UBA52: variants seen among roughly 807,000 people sequenced by gnomAD.
UBA52 encodes the protein ubiquitin-ribosomal protein eL40 fusion protein.
UBA52 carries 1 observed loss-of-function variant against 15.3 expected under a neutral mutation model. That is an observed-to-expected ratio of 0.07 (90% CI 0.02 to 0.31). The LOEUF is 0.31. UBA52 is among the 10% of genes least tolerant of loss of function. The pLI, the probability that UBA52 is intolerant of heterozygous loss-of-function variation, is 1.00. For missense variants in UBA52, 87 were observed against 168.0 expected, an observed-to-expected ratio of 0.52 and a Z score of 2.66; for synonymous variants, 50 against 58.3, an observed-to-expected ratio of 0.86 and a Z score of 0.65.
At chr19:18,569,967 G>A (rs1387972094), upstream of UBA52, among the ~76,000 whole-genome samples, 13 of 152,250 alleles carry the variant, frequency 8.5e-5, no homozygotes, top group Admixed American at 6.5e-4. Context: ...GGAGGCAGAG[G>A]TTGCAGTGAG....
At chr19:18,564,811 A>G in the UBA52 span, 1 of 1,596,628 alleles carries the variant, frequency 6.3e-7, no homozygotes, top group Non-Finnish European at 8.6e-7. Flanking sequence ...CTTCTGGGCC[A>G]GGTTGGGCAG....
the UBA52 span, among the ~76,000 whole-genome samples, chr19:18,564,052 A>C: frequency 6.6e-6 from 1 of 151,924 alleles, no homozygotes; most frequent in Non-Finnish European, 1.5e-5. Flanking sequence ...ATGCCCAGCC[A>C]ATTTTTGTAT....
At chr19:18,567,996 G>A (rs568787668), upstream of UBA52, among the ~76,000 whole-genome samples, 32 of 152,288 alleles carry the variant, frequency 2.1e-4, 1 homozygote, top group Admixed American at 1.2e-3. Context: ...TGCCAGGCGC[G>A]GTGGCTCATG....
chr19:18,566,933 C>T (rs372139752), upstream of UBA52, among the ~76,000 whole-genome samples: 58 of 152,246 alleles, frequency 3.8e-4, no homozygotes, highest in African/African-American at 1.2e-3. Flanking sequence ...GGCTGGAGGC[C>T]GGCTGGTGGG....
At chr19:18,568,364 A>C, upstream of UBA52, 1 of 1,497,336 alleles carries the variant, frequency 6.7e-7, no homozygotes. Context: ...AGAGCTTGGC[A>C]AGGTGACAAA....
At chr19:18,570,615 G>A (rs1452249169), upstream of UBA52, among the ~76,000 whole-genome samples, 1 of 147,814 alleles carries the variant, frequency 6.8e-6, no homozygotes, top group Admixed American at 6.9e-5. Flanking sequence ...GGATTCAAGC[G>A]ATTCTCCTGC....
chr19:18,573,172 G>C, intron 1 of UBA52, 121 bp from the exon 2 acceptor site: 1 of 1,127,742 alleles, frequency 8.9e-7, no homozygotes, highest in East Asian at 2.6e-5. Flanking sequence ...ACAGGTACTG[G>C]GGCAGGACCA....
At chr19:18,574,298 T>C (rs1233837969) in intron 3 of UBA52, among the ~76,000 whole-genome samples, 1 of 151,448 alleles carries the variant, frequency 6.6e-6, no homozygotes, top group African/African-American at 2.4e-5. Flanking sequence ...AAGAATTCAG[T>C]GTCCTTTTTT....
At chr19:18,572,939 T>G in intron 1 of UBA52, 1 of 1,113,616 alleles carries the variant, frequency 9.0e-7, no homozygotes. Flanking sequence ...GGAAGATGGA[T>G]CTAGCAAGAT....
chr19:18,573,186 G>T, intron 1 of UBA52, 107 bp from the exon 2 acceptor site: 2 of 1,193,412 alleles, frequency 1.7e-6, no homozygotes, highest in East Asian at 2.5e-5. Flanking sequence ...AGGACCAGTT[G>T]GACTTGGTGC....
chr19:18,568,593 C>A, upstream of UBA52: 1 of 1,612,888 alleles, frequency 6.2e-7, no homozygotes, highest in East Asian at 2.2e-5. Flanking sequence ...CATCAACGGC[C>A]GCAGCCAGAC....
chr19:18,573,202 A>T (rs1357802687), intron 1 of UBA52, 91 bp from the exon 2 acceptor site: 1 of 1,305,546 alleles, frequency 7.7e-7, no homozygotes, highest in Non-Finnish European at 1.1e-6. Flanking sequence ...GGTGCAGGCA[A>T]AGGGATAGCA....
chr19:18,571,038 C>A (rs907617282), upstream of UBA52, among the ~76,000 whole-genome samples: 4 of 151,336 alleles, frequency 2.6e-5, no homozygotes, highest in South Asian at 2.1e-4. Flanking sequence ...AGAGACACTG[C>A]AGTGGCTCAC....
chr19:18,567,684 A>G (rs1355655038), upstream of UBA52, among the ~76,000 whole-genome samples: 1 of 152,192 alleles, frequency 6.6e-6, no homozygotes, highest in Non-Finnish European at 1.5e-5. Context: ...TCTCTGGGGT[A>G]CCATTCCATG....
chr19:18,573,082 T>C (rs1207119540), intron 1 of UBA52: 41 of 1,270,746 alleles, frequency 3.2e-5, no homozygotes, highest in Non-Finnish European at 4.1e-5. Context: ...ATGTGGTCTT[T>C]AGTTCCAGGA....
At position 18,577,282 on chromosome 19, in the gene UBA52, A is replaced by G. The variant is rs1173042279; in HGVS notation, c.*2132A>G. ...TGATCGAATGAAGGATTCAAAATTA[A>G]CCACTCCAAGGGGGGATTGAAGGAA... On this transcript the variant is annotated 3_prime_UTR_variant, in exon 5 of 5. Coordinates refer to ENST00000442744, the MANE Select transcript of UBA52 (RefSeq NM_001033930.3). The G allele has an allele frequency of 1.3e-5, 2 of 152,100 alleles. No individual in the cohort carries two copies. The highest frequency in any genetic ancestry group is 4.8e-5 in the African/African-American group (2 of 41,414). 9.4% of individuals were successfully genotyped at this position (152,100 alleles called of 1,614,324 possible).
chr19:18,568,512 C>T (rs1480158111), upstream of UBA52: 2 of 1,614,120 alleles, frequency 1.2e-6, no homozygotes, highest in Middle Eastern at 3.3e-4. Flanking sequence ...TGACACCAGC[C>T]CCGACACCGT....
At chr19:18,569,041 A>G, upstream of UBA52, 1 of 212,392 alleles carries the variant, frequency 4.7e-6, no homozygotes, top group East Asian at 1.3e-4. Flanking sequence ...CTCTGAGTTC[A>G]CCCCAGCCCA....
upstream of UBA52, chr19:18,567,105 G>A: frequency 6.2e-7 from 1 of 1,613,048 alleles, no homozygotes; most frequent in South Asian, 1.1e-5. Context: ...AGCAGGTTAA[G>A]CCCTGTGTGC....
Sources: allele counts gnomAD v4.1 joint callset (sites outside exome capture counted in the v4.1 genomes callset), GRCh38; gene constraint gnomAD v4.1.1; transcripts MANE v1.5; gene names NCBI Gene and HGNC (gene_info 2026-07-23, HGNC 2026-07-21).